MAP3K9: variants seen among roughly 807,000 people sequenced by gnomAD.
MAP3K9 encodes the protein mixed lineage kinase 1 (tyr and ser/thr specificity).
MAP3K9 carries 46 observed loss-of-function variants against 95.8 expected under a neutral mutation model. The observed-to-expected ratio is 0.48, with a 90% confidence interval of 0.38 to 0.61. The LOEUF (loss-of-function observed/expected upper bound fraction) is 0.61. Ranked by LOEUF, MAP3K9 falls within the 20% of genes least tolerant of loss-of-function variation. The pLI, the probability that MAP3K9 is intolerant of heterozygous loss-of-function variation, is 0.00. For missense variants in MAP3K9, 1,296 were observed against 1,474.3 expected, an observed-to-expected ratio of 0.88 and a Z score of 1.98; for synonymous variants, 533 against 593.8, an observed-to-expected ratio of 0.90 and a Z score of 1.49.
At chr14:70,761,970 T>C in intron 2 of MAP3K9, among the ~76,000 whole-genome samples, 1 of 152,212 alleles carries the variant, frequency 6.6e-6, no homozygotes, top group Non-Finnish European at 1.5e-5. Context: ...TCTTTATAAA[T>C]TTACCTAGTC....
chr14:70,777,751 C>A (rs1486514484), intron 2 of MAP3K9, among the ~76,000 whole-genome samples: 1 of 152,188 alleles, frequency 6.6e-6, no homozygotes, highest in Non-Finnish European at 1.5e-5. Context: ...CTGACTAATG[C>A]AGTGTCCACC....
At position 70,808,852 on chromosome 14, in the gene MAP3K9, G is replaced by T; in HGVS notation, c.320C>A (p.Pro107His). ...GQLNQRVGIFPSNYVTPRSAF... is the reference protein window; with the variant it reads ...GQLNQRVGIFHSNYVTPRSAF... ...GCTGCGCGGGGTCACGTAGTTGCTG[G>T]GGAAGATGCCCACCCGCTGGTTCAG... is the stretch of plus-strand genomic sequence containing the variant. Residue 107 changes from proline (P) to histidine (H), a missense_variant, in exon 1 of 12, where the codon CCC (proline) becomes CAC (histidine). This residue lies in a region of MAP3K9 where 338 missense variants were observed against 363.4 expected (regional missense o/e 0.93). Coordinates refer to ENST00000554752, the MANE Select transcript of MAP3K9 (RefSeq NM_001284230.2). The T allele has an allele frequency of 1.2e-6, 2 of 1,600,726 alleles. No individual in the cohort carries two copies. Among genetic ancestry groups the T allele is most frequent in the Non-Finnish European group, 8.5e-7 (1 of 1,176,126 alleles).
intron 2 of MAP3K9, among the ~76,000 whole-genome samples, chr14:70,789,508 T>C (rs1162253995): frequency 6.6e-6 from 1 of 152,220 alleles, no homozygotes; most frequent in East Asian, 1.9e-4. Context: ...ATAGCTCATA[T>C]CATCTTAAAA....
chr14:70,806,210 T>C (rs906724956), intron 1 of MAP3K9, among the ~76,000 whole-genome samples: 6 of 152,206 alleles, frequency 3.9e-5, no homozygotes, highest in East Asian at 1.9e-4. Flanking sequence ...GTAGAGCACA[T>C]AGACTTCAAT....
chr14:70,777,907 A>G (rs1222126793), intron 2 of MAP3K9, among the ~76,000 whole-genome samples: 1 of 152,230 alleles, frequency 6.6e-6, no homozygotes. Flanking sequence ...GCCAACACGC[A>G]TGCCTGAGAA....
intron 2 of MAP3K9, among the ~76,000 whole-genome samples, chr14:70,788,957 A>T (rs1175548663): frequency 6.6e-6 from 1 of 152,242 alleles, no homozygotes; most frequent in Non-Finnish European, 1.5e-5. Flanking sequence ...GGCCAGGAGA[A>T]GATGTGAAAA....
At chr14:70,745,405 G>A (rs1395771364) in intron 5 of MAP3K9, among the ~76,000 whole-genome samples, 1 of 152,154 alleles carries the variant, frequency 6.6e-6, no homozygotes, top group Non-Finnish European at 1.5e-5. Context: ...CATTCAGCTT[G>A]TCTTCCATCC....
chr14:70,772,667 A>G (rs1268466068), intron 2 of MAP3K9, among the ~76,000 whole-genome samples: 5 of 151,270 alleles, frequency 3.3e-5, no homozygotes, highest in African/African-American at 4.9e-5. Context: ...CTTTCAGCTG[A>G]AAAAAAAAGC....
chr14:70,784,134 C>G (rs1438995037), intron 2 of MAP3K9, among the ~76,000 whole-genome samples: 1 of 151,596 alleles, frequency 6.6e-6, no homozygotes, highest in Admixed American at 6.6e-5. Flanking sequence ...AAATACAAAA[C>G]TAGCTGGGCA....
chr14:70,783,874 G>A (rs1277856569), intron 2 of MAP3K9, among the ~76,000 whole-genome samples: 6 of 152,192 alleles, frequency 3.9e-5, no homozygotes, highest in African/African-American at 1.2e-4. Flanking sequence ...ATTAACAGAC[G>A]TGTCCAAACC....
chr14:70,762,275 C>T (rs60417730), intron 2 of MAP3K9, among the ~76,000 whole-genome samples: 13,945 of 152,112 alleles, frequency 0.092, 749 homozygotes, highest in African/African-American at 0.14. Flanking sequence ...TTTGCTGGAT[C>T]GCATGGTAAT....
chr14:70,745,579 A>C (rs1346680943), intron 5 of MAP3K9, among the ~76,000 whole-genome samples: 1 of 152,098 alleles, frequency 6.6e-6, no homozygotes, highest in Non-Finnish European at 1.5e-5. Flanking sequence ...CTCTACTAAA[A>C]ACATAAGAAT....
At chr14:70,751,114 A>G (rs1267993469) in intron 3 of MAP3K9, among the ~76,000 whole-genome samples, 1 of 152,228 alleles carries the variant, frequency 6.6e-6, no homozygotes, top group African/African-American at 2.4e-5. Context: ...AGAACAGAGC[A>G]GCGCATCAGC....
rs1454864863 is a variant in MAP3K9, at chr14:70,803,620, A to AT, written c.407-2541dup. ...TCCCATCTGAGGTTAGCCCATCTGT[A>AT]TTTTGTAATGCAACTGGCAGTCTGC... On this transcript the variant is annotated intron_variant, in intron 1 of 11. Coordinates refer to ENST00000554752, the MANE Select transcript of MAP3K9 (RefSeq NM_001284230.2). Among the ~76,000 whole-genome samples the AT allele has an allele frequency of 2.0e-5, 3 of 152,158 alleles. No individual in the cohort carries two copies. The East Asian group carries it at 5.8e-4, about 29-fold the overall frequency.
At chr14:70,802,079 A>T (rs1274747845) in intron 1 of MAP3K9, among the ~76,000 whole-genome samples, 2 of 152,204 alleles carry the variant, frequency 1.3e-5, no homozygotes, top group Non-Finnish European at 2.9e-5. Flanking sequence ...TAGACCTGTA[A>T]TTTAGAAAGG....
chr14:70,788,965 A>C (rs1455109161), intron 2 of MAP3K9, among the ~76,000 whole-genome samples: 2 of 152,224 alleles, frequency 1.3e-5, no homozygotes, highest in Non-Finnish European at 2.9e-5. Flanking sequence ...GAAGATGTGA[A>C]AAAAGCAGAC....
intron 5 of MAP3K9, among the ~76,000 whole-genome samples, chr14:70,747,092 A>C (rs2054157804): frequency 6.6e-6 from 1 of 152,266 alleles, no homozygotes; most frequent in East Asian, 1.9e-4. Flanking sequence ...GCTATGTTCC[A>C]TAAAAAGAGT....
At chr14:70,798,471 GT>G (rs1170327816) in intron 2 of MAP3K9, among the ~76,000 whole-genome samples, 384 of 65,400 alleles carry the variant, frequency 5.9e-3, no homozygotes, top group African/African-American at 0.02. Context: ...GTCACCAAAA[GT>G]TTTTTTTTTT....
chr14:70,795,648 TAATATG>T (rs1415915534), intron 2 of MAP3K9, among the ~76,000 whole-genome samples: 2 of 152,132 alleles, frequency 1.3e-5, no homozygotes, highest in African/African-American at 4.8e-5. Flanking sequence ...AAGAGTTATT[TAATATG>T]AATATAAAAG....
Sources: allele counts gnomAD v4.1 joint callset (sites outside exome capture counted in the v4.1 genomes callset), GRCh38; gene constraint gnomAD v4.1.1; regional missense constraint gnomAD v4.1.1; transcripts MANE v1.5; gene names NCBI Gene and HGNC (gene_info 2026-07-23, HGNC 2026-07-21).